Variants in TMEM50B observed in about 807,000 individuals in gnomAD.
TMEM50B encodes the protein transmembrane protein 50B, also known as HCV p7-trans-regulated protein 3.
Under a neutral mutation model 23.4 loss-of-function variants are expected in TMEM50B, and 14 were observed. The ratio of observed to expected loss-of-function variants is 0.60; its 90% CI spans 0.39 to 0.93. TMEM50B has a LOEUF of 0.93. TMEM50B is among the 40% of genes least tolerant of loss of function. The probability of loss-of-function intolerance (pLI) is 0.00; values close to 1 mark genes in which losing one functional copy is unlikely to be tolerated. For missense variants in TMEM50B, 159 were observed against 193.0 expected (o/e 0.82, Z 1.04); for synonymous variants, 64 against 62.3 (o/e 1.03, Z -0.13).
At chr21:33,451,464 T>G (rs1003060315) in intron 6 of TMEM50B, among the ~76,000 whole-genome samples, 1 of 151,954 alleles carries the variant, frequency 6.6e-6, no homozygotes, top group Non-Finnish European at 1.5e-5. Context: ...AAATGAGAGG[T>G]GCACAGTATC....
chr21:33,436,247 T>G (rs984847065), intron 8 of TMEM50B, among the ~76,000 whole-genome samples: 4 of 151,468 alleles, frequency 2.6e-5, no homozygotes, highest in Non-Finnish European at 5.9e-5. Context: ...CCCAGCTACT[T>G]GGGAGGCTGA....
chr21:33,458,998 A>G (rs1201067505), intron 5 of TMEM50B, among the ~76,000 whole-genome samples: 4 of 152,214 alleles, frequency 2.6e-5, no homozygotes, highest in African/African-American at 9.6e-5. Context: ...TGATACTATC[A>G]AAAGTATTCA....
At chr21:33,477,419 A>G (rs1457177164) in intron 1 of TMEM50B, among the ~76,000 whole-genome samples, 2 of 152,188 alleles carry the variant, frequency 1.3e-5, no homozygotes, top group Non-Finnish European at 2.9e-5. Context: ...GGAATTGAGG[A>G]TGTAAAGAGT....
intron 1 of TMEM50B, among the ~76,000 whole-genome samples, chr21:33,478,157 T>C (rs1234459362): frequency 6.6e-6 from 1 of 151,276 alleles, no homozygotes; most frequent in Admixed American, 6.6e-5. Flanking sequence ...AATAAATAAA[T>C]TTAAAAATAA....
chr21:33,466,162 G>A (rs1167353781), intron 3 of TMEM50B, among the ~76,000 whole-genome samples: 1 of 152,102 alleles, frequency 6.6e-6, no homozygotes, highest in Non-Finnish European at 1.5e-5. Flanking sequence ...TTGGGAGGCT[G>A]AGGCAAGGGA....
chr21:33,448,352 AAAAC>A (rs2084085129), downstream of TMEM50B, among the ~76,000 whole-genome samples: 1 of 152,128 alleles, frequency 6.6e-6, no homozygotes, highest in African/African-American at 2.4e-5. Context: ...TCACAACTAA[AAAAC>A]AAATTCAGGG....
Position 33,460,465 on chromosome 21 carries a change from AAACATC to A in TMEM50B, c.315_320del (p.Leu105_Met106del), listed in dbSNP as rs1259419856. 3 of 1,612,598 alleles carry A rather than the reference AAACATC, an allele frequency of 1.9e-6. No individual in the cohort carries two copies. Among genetic ancestry groups the A allele is most frequent in the Non-Finnish European group, 2.5e-6 (3 of 1,179,568 alleles). On this transcript the variant is annotated inframe_deletion, in exon 5 of 7. Coordinates refer to ENST00000542230, the MANE Select transcript of TMEM50B (RefSeq NM_006134.7). Reference sequence around the variant, plus strand: ...TCCACATGGAAGCAATAAGTGACCCAAACATCAACATGAAACCAATGAAAAGCCAAA... The same window carrying A: ...TCCACATGGAAGCAATAAGTGACCCAAACATGAAACCAATGAAAAGCCAAA...
chr21:33,446,650 AC>A (rs1446255908), downstream of TMEM50B, among the ~76,000 whole-genome samples: 1 of 86,244 alleles, frequency 1.2e-5, no homozygotes, highest in Admixed American at 1.1e-4. Flanking sequence ...ACACACACAC[AC>A]ACACAAAAAA....
chr21:33,468,849 A>G lies in TMEM50B; in HGVS notation c.37T>C (p.Cys13Arg). The change falls in exon 2 of 7, where the codon TGT becomes CGT. Residue 13 changes from cysteine (C) to arginine (R), a missense_variant. Cys to Arg is a radical substitution (Grantham distance 180). Transcript: ENST00000542230. ...GFLDNFRWPE[C>R]ECIDWSERRN... ...CTCTCACTCCAGTCAATACATTCAC[A>G]TTCTGGCCAACGAAAATTATCTAGG... The G allele has an allele frequency of 6.2e-7, 1 of 1,613,886 alleles. No homozygotes were observed. The highest frequency in any genetic ancestry group is 1.1e-5 in the South Asian group (1 of 91,034).
At chr21:33,440,786 GCAGGAGAAT>G (rs1436820839) in intron 7 of TMEM50B, among the ~76,000 whole-genome samples, 1 of 151,956 alleles carries the variant, frequency 6.6e-6, no homozygotes, top group African/African-American at 2.4e-5. Context: ...GGAGGCTGAG[GCAGGAGAAT>G]CACTTGAACC....
At chr21:33,478,204 C>T (rs1273771463) in intron 1 of TMEM50B, among the ~76,000 whole-genome samples, 7 of 151,940 alleles carry the variant, frequency 4.6e-5, no homozygotes, top group Non-Finnish European at 1.0e-4. Context: ...GCGGTGCCCA[C>T]ACCTGTAATC....
At chr21:33,444,817 A>AAAAAG (rs1271815428), downstream of TMEM50B, among the ~76,000 whole-genome samples, 67 of 150,602 alleles carry the variant, frequency 4.4e-4, no homozygotes, top group East Asian at 1.9e-3. Context: ...AAAAAAAAAA[A>AAAAAG]AAAGAAAGAA....
intron 8 of TMEM50B, among the ~76,000 whole-genome samples, chr21:33,438,105 T>G (rs376944825): frequency 2.0e-5 from 3 of 151,112 alleles, no homozygotes; most frequent in East Asian, 3.9e-4. Context: ...GGCAACATAG[T>G]GAGACCTTGT....
At chr21:33,443,145 A>C (rs2084022642) in intron 7 of TMEM50B, among the ~76,000 whole-genome samples, 1 of 152,226 alleles carries the variant, frequency 6.6e-6, no homozygotes. Context: ...AAACCCTTAA[A>C]GAGCTGGTAA....
intron 2 of TMEM50B, among the ~76,000 whole-genome samples, chr21:33,468,158 G>T (rs2084281833): frequency 1.3e-5 from 2 of 150,620 alleles, no homozygotes; most frequent in South Asian, 4.2e-4. Context: ...TTTTAAGCTG[G>T]ATGATAGACA....
chr21:33,473,458 A>AAAGAAG (rs2084337120), intron 1 of TMEM50B, among the ~76,000 whole-genome samples: 1 of 63,422 alleles, frequency 1.6e-5, no homozygotes, highest in African/African-American at 3.9e-5. Context: ...GTCTCGGAAG[A>AAAGAAG]AAAAAAAAAA....
intron 1 of TMEM50B, among the ~76,000 whole-genome samples, chr21:33,472,567 A>T (rs35330441): frequency 0.23 from 34,702 of 151,732 alleles, 4,510 homozygotes; most frequent in Middle Eastern, 0.31. Flanking sequence ...AATAAGAAAT[A>T]AAAAAATTTT....
At chr21:33,455,391 G>T (rs978397553) in intron 6 of TMEM50B, among the ~76,000 whole-genome samples, 8 of 151,974 alleles carry the variant, frequency 5.3e-5, no homozygotes, top group African/African-American at 1.9e-4. Flanking sequence ...TTGCCATGTT[G>T]CCCAGGCTGG....
downstream of TMEM50B, among the ~76,000 whole-genome samples, chr21:33,444,209 A>G (rs1167976006): frequency 6.6e-6 from 1 of 151,868 alleles, no homozygotes; most frequent in Non-Finnish European, 1.5e-5. Context: ...TCTTTGTGCT[A>G]TTTTTATAAC....
Sources: gnomAD v4.1 joint callset for allele counts (sites outside exome capture counted in the v4.1 genomes callset) on GRCh38, gnomAD v4.1.1 for gene constraint, MANE v1.5 for transcripts, NCBI Gene and HGNC (gene_info 2026-07-23, HGNC 2026-07-21) for gene names.